Variants in ZNF346 observed in about 807,000 individuals in gnomAD.
The protein encoded by ZNF346 is zinc finger protein 346.
In ZNF346, 23 loss-of-function variants were observed where a neutral mutation model predicts 33.7. The ratio of observed to expected loss-of-function variants is 0.68; its 90% CI spans 0.49 to 0.97. ZNF346 has a LOEUF of 0.97. Among genes scored for constraint, ZNF346 ranks in the 50% least tolerant of loss-of-function variants. The pLI is 0.00. For missense variants in ZNF346, 340 were observed against 371.1 expected, an observed-to-expected ratio of 0.92 and a Z score of 0.69; for synonymous variants, 134 against 142.4, an observed-to-expected ratio of 0.94 and a Z score of 0.42.
chr5:177,062,695 CAG>C (rs2149705159), intron 6 of ZNF346, among the ~76,000 whole-genome samples: 1 of 152,332 alleles, frequency 6.6e-6, no homozygotes, highest in Non-Finnish European at 1.5e-5. Flanking sequence ...ACCAGGTGAA[CAG>C]AGAGTTACCT....
chr5:177,037,428 T>C (rs2149613597), intron 1 of ZNF346, among the ~76,000 whole-genome samples: 1 of 152,282 alleles, frequency 6.6e-6, no homozygotes, highest in East Asian at 1.9e-4. Flanking sequence ...TCCACCTATA[T>C]ATCTGATAGA....
At chr5:177,029,139 G>T (rs572748103) in intron 1 of ZNF346, among the ~76,000 whole-genome samples, 1 of 152,310 alleles carries the variant, frequency 6.6e-6, no homozygotes, top group African/African-American at 2.4e-5. Flanking sequence ...GTGCTCAGAG[G>T]CTTGGAAGTT....
intron 5 of ZNF346, chr5:177,052,430 G>T (rs114258532): frequency 6.7e-6 from 1 of 149,974 alleles, no homozygotes; most frequent in Non-Finnish European, 1.5e-5. Context: ...TGATCCACCC[G>T]CCATGACCTC....
chr5:177,046,115 C>G (rs1296090082), intron 4 of ZNF346, among the ~76,000 whole-genome samples: 1 of 151,952 alleles, frequency 6.6e-6, no homozygotes, highest in East Asian at 1.9e-4. Context: ...GCCTGGTCAA[C>G]ACGGTGAAAC....
At chr5:177,026,471 C>T (rs1236918020) in intron 1 of ZNF346, among the ~76,000 whole-genome samples, 4 of 151,040 alleles carry the variant, frequency 2.6e-5, no homozygotes, top group Admixed American at 6.6e-5. Flanking sequence ...GTGATTCTCC[C>T]GCCTCAGCCT....
chr5:177,027,042 C>A (rs1202798524), intron 1 of ZNF346, among the ~76,000 whole-genome samples: 1 of 152,056 alleles, frequency 6.6e-6, no homozygotes, highest in Non-Finnish European at 1.5e-5. Context: ...AACTTGGATT[C>A]TTTAGATAAA....
intron 1 of ZNF346, 92 bp downstream of exon 1, chr5:177,023,005 C>T (rs983259164): frequency 6.9e-7 from 1 of 1,442,572 alleles, no homozygotes; most frequent in Non-Finnish European, 9.2e-7. Context: ...CCCCCTGGCC[C>T]GCCTCCTTGC....
intron 4 of ZNF346, among the ~76,000 whole-genome samples, chr5:177,049,056 G>C (rs1780506162): frequency 6.6e-6 from 1 of 151,980 alleles, no homozygotes; most frequent in Non-Finnish European, 1.5e-5. Flanking sequence ...AAAGTGCTGG[G>C]ATTACAGGCA....
intron 5 of ZNF346, among the ~76,000 whole-genome samples, chr5:177,053,608 G>A (rs866107430): frequency 1.3e-5 from 2 of 152,176 alleles, no homozygotes; most frequent in Middle Eastern, 3.4e-3. Flanking sequence ...CAGTTTTCAT[G>A]AATATTATAC....
chr5:177,044,381 C>T lies in ZNF346; in HGVS notation c.373-8C>T. 1 of 1,613,954 alleles carries T rather than the reference C, an allele frequency of 6.2e-7. No individual in the cohort carries two copies. The highest frequency in any genetic ancestry group is 8.5e-7 in the Non-Finnish European group (1 of 1,179,982). ...TATGATCAGACCTGTGTTCTTTCTT[C>T]CAACCAGAAGAGCAGCAGAAGCAAA... On this transcript the variant is annotated splice_region_variant and splice_polypyrimidine_tract_variant and intron_variant, in intron 3 of 6. Coordinates refer to ENST00000358149, the MANE Select transcript of ZNF346 (RefSeq NM_012279.4).
intron 3 of ZNF346, among the ~76,000 whole-genome samples, chr5:177,043,520 A>G (rs1008170715): frequency 1.3e-5 from 2 of 152,022 alleles, no homozygotes; most frequent in African/African-American, 2.4e-5. Context: ...AATCCTAGCA[A>G]TTTAGGTGGC....
chr5:177,038,256 GT>G (rs748931641), intron 1 of ZNF346, among the ~76,000 whole-genome samples: 16 of 132,230 alleles, frequency 1.2e-4, no homozygotes, highest in South Asian at 5.1e-4. Context: ...GCCCAACTAC[GT>G]TTTTTTTTTT....
intron 5 of ZNF346, among the ~76,000 whole-genome samples, chr5:177,053,442 C>T (rs1781245899): frequency 6.6e-6 from 1 of 151,410 alleles, no homozygotes; most frequent in Admixed American, 6.6e-5. Flanking sequence ...TGAGCCGTTA[C>T]ACCCAGCCTG....
At chr5:177,064,333 A>G (rs1481606885) in intron 6 of ZNF346, among the ~76,000 whole-genome samples, 179 bp from the exon 7 acceptor site, 2 of 152,234 alleles carry the variant, frequency 1.3e-5, no homozygotes, top group South Asian at 2.1e-4. Flanking sequence ...CAGAATTGCC[A>G]TGAGGATGGA....
chr5:177,072,855 T>A (rs1783571082), downstream of ZNF346, among the ~76,000 whole-genome samples: 1 of 152,234 alleles, frequency 6.6e-6, no homozygotes. Flanking sequence ...ACTACCTGGA[T>A]CCAGCTATGC....
At chr5:177,054,475 T>C in intron 5 of ZNF346, among the ~76,000 whole-genome samples, 1 of 152,108 alleles carries the variant, frequency 6.6e-6, no homozygotes, top group East Asian at 1.9e-4. Flanking sequence ...CTCAGCTCAC[T>C]GGAACCTCCG....
intron 1 of ZNF346, among the ~76,000 whole-genome samples, chr5:177,028,496 T>TTTTA (rs1554142622): frequency 1.8e-4 from 16 of 90,514 alleles, no homozygotes. Flanking sequence ...TTGTGACGTT[T>TTTTA]TATATATATA....
At chr5:177,050,994 C>T (rs1780783136) in intron 5 of ZNF346, 58 bp downstream of exon 5, 22 of 1,379,748 alleles carry the variant, frequency 1.6e-5, no homozygotes, top group South Asian at 1.0e-4. Flanking sequence ...TGGGGCTACC[C>T]GGACCAGCTG....
intron 1 of ZNF346, 183 bp downstream of exon 1, chr5:177,023,096 G>T: frequency 2.1e-6 from 3 of 1,458,142 alleles, no homozygotes; most frequent in Non-Finnish European, 2.8e-6. Flanking sequence ...AGCGCGCTGA[G>T]GGTGAAGGGC....
Sources: allele counts gnomAD v4.1 joint callset (sites outside exome capture counted in the v4.1 genomes callset), GRCh38; gene constraint gnomAD v4.1.1; transcripts MANE v1.5; gene names NCBI Gene and HGNC (gene_info 2026-07-23, HGNC 2026-07-21).